Variants in TJP1 observed in about 807,000 individuals in gnomAD.
TJP1 encodes tight junction protein 1.
Under a neutral mutation model 194.2 loss-of-function variants are expected in TJP1, and 43 were observed. That is an observed-to-expected ratio of 0.22 (90% CI 0.17 to 0.29). TJP1 has a LOEUF of 0.29. TJP1 is among the 10% of genes least tolerant of loss of function. TJP1 has a pLI of 1.00. For missense variants in TJP1, 1,971 were observed against 2,185.7 expected, an observed-to-expected ratio of 0.90 and a Z score of 1.96; for synonymous variants, 801 against 779.0, an observed-to-expected ratio of 1.03 and a Z score of -0.47.
At chr15:29,893,857 TA>T (rs1192074082) in intron 2 of TJP1, among the ~76,000 whole-genome samples, 1 of 152,058 alleles carries the variant, frequency 6.6e-6, no homozygotes, top group Non-Finnish European at 1.5e-5. Context: ...CTATAAACGA[TA>T]AAAAAACAAA....
intron 2 of TJP1, among the ~76,000 whole-genome samples, chr15:29,833,872 TATATATATA>T (rs1461206542): frequency 4.7e-4 from 12 of 25,636 alleles, no homozygotes; most frequent in South Asian, 1.7e-3. Flanking sequence ...TATATATATA[TATATATATA>T]TTTTTTTTTT....
rs575743669 is a variant in TJP1 at position 29,878,104 on chromosome 15, C to T, written c.307-77402G>A. Among the ~76,000 whole-genome samples the T allele has an allele frequency of 3.7e-3, 563 of 152,204 alleles. 3 individuals are homozygous for T. Among genetic ancestry groups the T allele is most frequent in the Non-Finnish European group, 5.4e-3 (369 of 68,004 alleles). On this transcript the variant is annotated intron_variant, in intron 2 of 28. Transcript: ENST00000356107. The stretch of plus-strand genomic sequence containing the variant: ...TCTTGCTCTTGCCCAGGCTGGAGTG[C>T]AGTGGTGCGATCTCAGCTCACTGCA...
At chr15:29,800,831 A>C (rs1430174782) in intron 1 of TJP1, 129 bp from the exon 2 acceptor site, 2 of 811,914 alleles carry the variant, frequency 2.5e-6, no homozygotes, top group Non-Finnish European at 3.8e-6. Context: ...AGACACTCTG[A>C]AAGGACCTTA....
At chr15:29,820,342 G>C (rs2050243668) in intron 1 of TJP1, among the ~76,000 whole-genome samples, 1 of 151,882 alleles carries the variant, frequency 6.6e-6, no homozygotes, top group South Asian at 2.1e-4. Context: ...GGCCTGTTTT[G>C]CTCTATATAA....
intron 2 of TJP1, among the ~76,000 whole-genome samples, chr15:29,852,961 T>C (rs1000311913): frequency 2.0e-5 from 3 of 151,730 alleles, no homozygotes; most frequent in South Asian, 2.1e-4. Context: ...CAAATATTCA[T>C]AGCAGCTTAA....
rs1397934904 is a variant in TJP1, at chr15:29,705,462, G to A, written c.5068+66C>T. The A allele has an allele frequency of 2.0e-6, 3 of 1,490,714 alleles. No individual in the cohort carries two copies. In the African/African-American group the frequency reaches 4.1e-5, roughly 21 times the overall value. 92.3% of individuals were successfully genotyped at this position (1,490,714 alleles called of 1,614,324 possible). ...CTGCATTATTAGCCAAGCACTATAA[G>A]CTCTGAAGTGCACACAGGGCAACTC... On this transcript the variant is annotated intron_variant, in intron 26 of 27. Transcript: ENST00000614355.
intron 1 of TJP1, among the ~76,000 whole-genome samples, chr15:29,816,226 G>C (rs2049911285): frequency 6.6e-6 from 1 of 151,868 alleles, no homozygotes; most frequent in Non-Finnish European, 1.5e-5. Flanking sequence ...CGGGGTTTCG[G>C]CCGTGTTGGT....
At chr15:29,793,991 G>C (rs1567040844) in intron 2 of TJP1, among the ~76,000 whole-genome samples, 1 of 152,236 alleles carries the variant, frequency 6.6e-6, no homozygotes, top group East Asian at 1.9e-4. Flanking sequence ...GGAAATACTG[G>C]CCCTTTGGAA....
At chr15:29,902,418 C>A (rs1242768449) in intron 2 of TJP1, among the ~76,000 whole-genome samples, 1 of 152,064 alleles carries the variant, frequency 6.6e-6, no homozygotes, top group Non-Finnish European at 1.5e-5. Flanking sequence ...GAAAATCAAT[C>A]AACAGTCAGG....
At chr15:29,965,766 T>C (rs1460602140) in intron 1 of TJP1, among the ~76,000 whole-genome samples, 1 of 152,192 alleles carries the variant, frequency 6.6e-6, no homozygotes, top group Non-Finnish European at 1.5e-5. Flanking sequence ...GTTCTCCAAC[T>C]TAAGAATATG....
At chr15:29,961,554 C>T (rs1054548202) in intron 1 of TJP1, among the ~76,000 whole-genome samples, 2 of 152,078 alleles carry the variant, frequency 1.3e-5, no homozygotes, top group Non-Finnish European at 2.9e-5. Flanking sequence ...TCTCCACCTG[C>T]TTTGTAACTT....
chr15:29,937,094 C>A (rs543718582), intron 2 of TJP1, among the ~76,000 whole-genome samples: 16 of 152,284 alleles, frequency 1.1e-4, no homozygotes, highest in African/African-American at 3.4e-4. Flanking sequence ...TTACACAATT[C>A]TTTCAGTGGT....
chr15:29,820,159 CT>C lies in TJP1; in HGVS notation c.27+1842del, dbSNP rs34650430. Among the ~76,000 whole-genome samples the C allele has an allele frequency of 6.5e-3, 874 of 135,016 alleles. 1 individual carries two copies. Among genetic ancestry groups the C allele is most frequent in the East Asian group, 0.025 (117 of 4,724 alleles). 88.6% of individuals were successfully genotyped at this position (135,016 alleles called of 152,430 possible). On this transcript the variant is annotated intron_variant, in intron 1 of 27. Transcript: ENST00000614355. Reference sequence around the variant, plus strand: ...CAGCGAGCTTCCAAATTAATGTTGCCTTTTTTTTTTTTTTTTTCCAAACTGA... The same window carrying C: ...CAGCGAGCTTCCAAATTAATGTTGCCTTTTTTTTTTTTTTTTCCAAACTGA...
At chr15:29,923,163 C>T (rs960757799) in intron 2 of TJP1, among the ~76,000 whole-genome samples, 3 of 152,124 alleles carry the variant, frequency 2.0e-5, no homozygotes, top group Non-Finnish European at 2.9e-5. Context: ...AAATCTATTT[C>T]TAGAAATTCA....
intron 2 of TJP1, among the ~76,000 whole-genome samples, chr15:29,857,642 C>T (rs181022645): frequency 6.6e-6 from 1 of 152,278 alleles, no homozygotes; most frequent in East Asian, 1.9e-4. Context: ...TCTGTTCCAG[C>T]CTTTTTCCAA....
At chr15:29,957,459 GC>G (rs2055990544) in intron 1 of TJP1, among the ~76,000 whole-genome samples, 1 of 138,886 alleles carries the variant, frequency 7.2e-6, no homozygotes, top group African/African-American at 2.5e-5. Flanking sequence ...CCAGACAAAT[GC>G]TCATGCTTAT....
intron 2 of TJP1, among the ~76,000 whole-genome samples, chr15:29,949,156 T>TTTCACCACA: frequency 2.0e-5 from 1 of 51,158 alleles, no homozygotes; most frequent in African/African-American, 7.9e-5. Flanking sequence ...CCACCTCCAC[T>TTTCACCACA]ACTACCTCCA....
At chr15:29,849,253 G>A (rs2051541251) in intron 2 of TJP1, among the ~76,000 whole-genome samples, 1 of 152,004 alleles carries the variant, frequency 6.6e-6, no homozygotes, top group Admixed American at 6.6e-5. Flanking sequence ...ATAGTTACAT[G>A]TATGTTTGTT....
At chr15:29,779,400 T>G (rs1451788627) in intron 2 of TJP1, among the ~76,000 whole-genome samples, 5 of 152,218 alleles carry the variant, frequency 3.3e-5, no homozygotes, top group African/African-American at 7.2e-5. Flanking sequence ...AGAACCTTGG[T>G]ACTCTATTCC....
Sources: gnomAD v4.1 joint callset for allele counts (sites outside exome capture counted in the v4.1 genomes callset) on GRCh38, gnomAD v4.1.1 for gene constraint, MANE v1.5 for transcripts, NCBI Gene and HGNC (gene_info 2026-07-23, HGNC 2026-07-21) for gene names.